Variants in LRRC53 observed in about 807,000 individuals in gnomAD.
LRRC53 encodes leucine-rich repeat-containing protein 53.
Under a neutral mutation model 13.6 loss-of-function variants are expected in LRRC53, and 25 were observed. The ratio of observed to expected loss-of-function variants is 1.83; its 90% CI spans 1.34 to 2.56. LRRC53 has a LOEUF of 2.56. Ranked by LOEUF, LRRC53 falls within the 30% of genes most tolerant of loss-of-function variation. LRRC53 has a pLI of 0.00. For synonymous variants in LRRC53, 204 were observed against 109.8 expected, an observed-to-expected ratio of 1.86 and a Z score of -5.37; for missense variants, 527 against 275.8, an observed-to-expected ratio of 1.91 and a Z score of -6.45.
chr1:74,469,656 A>G lies in LRRC53; in HGVS notation c.*222T>C. On this transcript the variant is annotated 3_prime_UTR_variant, in exon 5 of 5. Transcript: ENST00000294635. ...TACTTGTTTTTTCATTCCTTAGAGA[A>G]GCATACTCAGTTAATTGTGTCAGAC... 1 of 369,994 alleles carries G rather than the reference A, an allele frequency of 2.7e-6. No homozygotes were observed. Among genetic ancestry groups the G allele is most frequent in the Non-Finnish European group, 4.8e-6 (1 of 208,386 alleles). 22.9% of individuals were successfully genotyped at this position (369,994 alleles called of 1,614,324 possible). A position where few individuals can be genotyped will look rare whatever the true frequency, so the allele number is the denominator to read the frequency against.
rs779728978 is a variant in LRRC53, at chr1:74,469,811, T to C, written c.*67A>G. 6 of 399,348 alleles carry C rather than the reference T, an allele frequency of 1.5e-5. No homozygotes were observed. Among genetic ancestry groups the C allele is most frequent in the Non-Finnish European group, 2.7e-5 (6 of 225,644 alleles). 24.7% of individuals were successfully genotyped at this position (399,348 alleles called of 1,614,324 possible). The stretch of plus-strand genomic sequence containing the variant: ...CACTTCTAATGCATGCAAAGGCTAG[T>C]GGGTGTTTGTCCTCTTGAAGAAAGC... On this transcript the variant is annotated 3_prime_UTR_variant, in exon 5 of 5. Transcript: ENST00000294635.
chr1:74,485,296 G>C (rs538181283), intron 1 of LRRC53, among the ~76,000 whole-genome samples: 1 of 152,316 alleles, frequency 6.6e-6, no homozygotes, highest in African/African-American at 2.4e-5. Flanking sequence ...TCCAGTCTGA[G>C]AAAACAGTAA....
At chr1:74,513,447 G>C (rs1431213774), upstream of LRRC53, among the ~76,000 whole-genome samples, 2 of 152,310 alleles carry the variant, frequency 1.3e-5, no homozygotes, top group East Asian at 3.9e-4. Flanking sequence ...TGTGCAGAAG[G>C]CACATCCCAC....
chr1:74,492,790 A>T (rs1376593467), intron 1 of LRRC53, among the ~76,000 whole-genome samples: 2 of 152,234 alleles, frequency 1.3e-5, no homozygotes, highest in African/African-American at 4.8e-5. Context: ...CAATGAACAG[A>T]TTGATAAAAC....
intron 1 of LRRC53, among the ~76,000 whole-genome samples, chr1:74,484,947 G>T (rs1462612419): frequency 2.0e-5 from 3 of 152,164 alleles, no homozygotes; most frequent in African/African-American, 7.2e-5. Context: ...ACAAGGAAGG[G>T]ATGATGTGGT....
intron 3 of LRRC53, among the ~76,000 whole-genome samples, chr1:74,478,067 A>T (rs1362688207): frequency 6.6e-6 from 1 of 152,234 alleles, no homozygotes; most frequent in Non-Finnish European, 1.5e-5. Context: ...ACTTAGATAT[A>T]GCTGAAGAAG....
In LRRC53 at chr1:74,483,311, C is replaced by A. The variant is rs1324117114; in HGVS notation, c.39G>T (p.Val13=). The change falls in exon 2 of 5, where the codon GTG becomes GTT. Residue 13 remains valine, a synonymous_variant. Transcript: ENST00000294635. ...AGAGGGTTACATCTTTGGTGCACAC[C>A]ACACATGACTCAGGGCAAGCTGCCA... is the stretch of plus-strand genomic sequence containing the variant. ...RLVAACPESC[V]VCTKDVTLCH... 3 of 717,468 alleles carry A rather than the reference C, an allele frequency of 4.2e-6. No homozygotes were observed. The highest frequency in any genetic ancestry group is 4.0e-5 in the Admixed American group (2 of 50,020). 44.4% of individuals were successfully genotyped at this position (717,468 alleles called of 1,614,324 possible).
the LRRC53 span, among the ~76,000 whole-genome samples, chr1:74,527,271 A>T: frequency 6.6e-6 from 1 of 152,234 alleles, no homozygotes; most frequent in Non-Finnish European, 1.5e-5. Context: ...CAATGACCAC[A>T]AACTTTGTTA....
intron 1 of LRRC53, among the ~76,000 whole-genome samples, chr1:74,491,404 G>T (rs956331070): frequency 6.6e-6 from 1 of 152,116 alleles, no homozygotes; most frequent in Admixed American, 6.6e-5. Flanking sequence ...ATTTTTATTA[G>T]AGACGGGGTT....
At chr1:74,516,513 G>A (rs1646350220), upstream of LRRC53, among the ~76,000 whole-genome samples, 1 of 152,172 alleles carries the variant, frequency 6.6e-6, no homozygotes, top group African/African-American at 2.4e-5. Flanking sequence ...TGAGAAAGAA[G>A]TTCATTGTGT....
rs1668412605 is a variant in LRRC53 at position 74,480,195 on chromosome 1, G to A, written c.862C>T (p.Pro288Ser). 8.4e-6 allele frequency: 6 copies of A among 717,496 alleles called. No homozygotes were observed. In the East Asian group the frequency reaches 1.6e-4, roughly 19 times the overall value. The allele number at this position is 717,496 out of a possible 1,614,324, so 44.4% of individuals were successfully genotyped here. A position where few individuals can be genotyped will look rare whatever the true frequency, so the allele number is the denominator to read the frequency against. ...LVLKDRSPLL[P>S]GPDVALLTVL... ...GTCAGCAGGGCCACATCTGGTCCTG[G>A]GAGGAGGGGACTTCTGTCCTTTAGA... is the stretch of plus-strand genomic sequence containing the variant. Residue 288 changes from proline to serine, a missense_variant, in exon 3 of 5, where the codon CCA becomes TCA. By Grantham distance (74) the Pro-to-Ser change is moderately conservative. Coordinates refer to ENST00000294635, the MANE Select transcript of LRRC53 (RefSeq NM_001382280.1).
At chr1:74,518,504 C>G in the LRRC53 span, among the ~76,000 whole-genome samples, 1 of 152,112 alleles carries the variant, frequency 6.6e-6, no homozygotes. Flanking sequence ...TCTCCCACCT[C>G]AATATGCCTT....
chr1:74,498,443 T>C (rs1452623636), intron 1 of LRRC53, among the ~76,000 whole-genome samples: 1 of 152,224 alleles, frequency 6.6e-6, no homozygotes, highest in African/African-American at 2.4e-5. Flanking sequence ...TATTAGATCA[T>C]AAATATGTTA....
At chr1:74,490,167 G>C (rs1376154462) in intron 1 of LRRC53, among the ~76,000 whole-genome samples, 2 of 151,772 alleles carry the variant, frequency 1.3e-5, no homozygotes, top group African/African-American at 4.8e-5. Flanking sequence ...CTCTTTGCTG[G>C]AATTTCTAAA....
At chr1:74,516,676 A>G (rs1053473010), upstream of LRRC53, among the ~76,000 whole-genome samples, 3 of 152,146 alleles carry the variant, frequency 2.0e-5, no homozygotes, top group African/African-American at 7.2e-5. Context: ...GTTTAAAAAG[A>G]AGGACATTTC....
At chr1:74,525,397 A>T in the LRRC53 span, among the ~76,000 whole-genome samples, 2 of 152,190 alleles carry the variant, frequency 1.3e-5, no homozygotes, top group African/African-American at 4.8e-5. Context: ...AATTTTGCTT[A>T]AGGACAGCAG....
At chr1:74,509,043 C>A (rs1280287713) in intron 1 of LRRC53, among the ~76,000 whole-genome samples, 1 of 152,186 alleles carries the variant, frequency 6.6e-6, no homozygotes, top group Admixed American at 6.5e-5. Context: ...GAAATGAAAG[C>A]CTGTGTCTAT....
the LRRC53 span, among the ~76,000 whole-genome samples, chr1:74,535,032 G>A: frequency 4.7e-4 from 55 of 117,524 alleles, no homozygotes; most frequent in African/African-American, 1.8e-3. Context: ...TGGCATGTAT[G>A]TAAAAATCAG....
At chr1:74,532,048 C>A in the LRRC53 span, among the ~76,000 whole-genome samples, 3 of 152,176 alleles carry the variant, frequency 2.0e-5, no homozygotes, top group Non-Finnish European at 4.4e-5. Flanking sequence ...TCTTTAATCA[C>A]ACTGATAACC....
Sources: allele counts gnomAD v4.1 joint callset (sites outside exome capture counted in the v4.1 genomes callset), GRCh38; gene constraint gnomAD v4.1.1; transcripts MANE v1.5; gene names NCBI Gene and HGNC (gene_info 2026-07-23, HGNC 2026-07-21).